The following GPC6 variants were observed in gnomAD, a reference collection of about 807,000 sequenced individuals.
The protein encoded by GPC6 is glypican-6.
Under a neutral mutation model 55.2 loss-of-function variants are expected in GPC6, and 14 were observed. The observed-to-expected ratio is 0.25, with a 90% confidence interval of 0.17 to 0.40. The LOEUF (loss-of-function observed/expected upper bound fraction) is 0.40, where lower values mean the gene tolerates loss of function less well. GPC6 is among the 10% of genes least tolerant of loss of function. GPC6 has a pLI of 1.00. For missense variants in GPC6, 641 were observed against 708.5 expected (o/e 0.90, Z 1.08); for synonymous variants, 278 against 259.6 (o/e 1.07, Z -0.68).
rs5805837 is a variant in GPC6 at position 93,965,106 on chromosome 13, G to GT, written c.712-62597dup. Among the ~76,000 whole-genome samples, 52 of 67,340 alleles carry GT rather than the reference G, an allele frequency of 7.7e-4. 3 individuals carry two copies. Among genetic ancestry groups the GT allele is most frequent in the African/African-American group, 1.2e-3 (20 of 16,372 alleles). 44.2% of individuals were successfully genotyped at this position (67,340 alleles called of 152,430 possible). A position where few individuals can be genotyped will look rare whatever the true frequency, so the allele number is the denominator to read the frequency against. ...AGTATTTGGGAAACACTATGAGTTTGTTTTTTTTTTTTTTTTTTTTTTTTT... is the reference window on the plus strand; with the variant it reads ...AGTATTTGGGAAACACTATGAGTTTGTTTTTTTTTTTTTTTTTTTTTTTTTT... On this transcript the variant is annotated intron_variant, in intron 3 of 8. Transcript: ENST00000377047.
chr13:94,220,908 T>C (rs1045607701), intron 4 of GPC6, among the ~76,000 whole-genome samples: 1 of 152,000 alleles, frequency 6.6e-6, no homozygotes, highest in Non-Finnish European at 1.5e-5. Flanking sequence ...TCTAGGAAAC[T>C]AGGAGTTAGG....
intron 2 of GPC6, among the ~76,000 whole-genome samples, chr13:93,829,576 C>T (rs564017895): frequency 2.0e-5 from 3 of 152,270 alleles, no homozygotes; most frequent in South Asian, 4.1e-4. Flanking sequence ...CTAAATTATG[C>T]TCATTATAGC....
At chr13:93,324,065 G>T (rs570612211) in intron 1 of GPC6, among the ~76,000 whole-genome samples, 11 of 152,196 alleles carry the variant, frequency 7.2e-5, no homozygotes, top group Middle Eastern at 6.8e-3. Flanking sequence ...CAGATGAATG[G>T]ATAAAGAAAA....
chr13:93,905,334 AG>A (rs1330299301), intron 3 of GPC6, among the ~76,000 whole-genome samples: 2 of 152,116 alleles, frequency 1.3e-5, no homozygotes, highest in African/African-American at 4.8e-5. Context: ...GGAAGGTTTC[AG>A]TGCTACACAA....
intron 4 of GPC6, among the ~76,000 whole-genome samples, chr13:94,122,005 G>A (rs535964073): frequency 1.8e-4 from 27 of 152,100 alleles, no homozygotes; most frequent in Non-Finnish European, 3.2e-4. Context: ...TGGTGCTACC[G>A]TTAAACAATT....
intron 3 of GPC6, among the ~76,000 whole-genome samples, chr13:93,869,339 CAACT>C (rs1169591144): frequency 6.6e-6 from 1 of 151,802 alleles, no homozygotes; most frequent in Non-Finnish European, 1.5e-5. Flanking sequence ...GTTTGCAGTT[CAACT>C]AACCTGTCCA....
chr13:93,368,890 G>T (rs549818737), intron 1 of GPC6, among the ~76,000 whole-genome samples: 16 of 152,190 alleles, frequency 1.1e-4, no homozygotes, highest in Admixed American at 4.6e-4. Context: ...CTGTTTCCCA[G>T]TTCCCCAGTG....
At chr13:93,706,303 T>C (rs1345157337) in intron 2 of GPC6, among the ~76,000 whole-genome samples, 1 of 151,902 alleles carries the variant, frequency 6.6e-6, no homozygotes, top group African/African-American at 2.4e-5. Context: ...TTCACCTATT[T>C]AAAAAACTTA....
intron 3 of GPC6, among the ~76,000 whole-genome samples, chr13:93,935,115 G>T (rs930652089): frequency 2.0e-5 from 3 of 151,950 alleles, no homozygotes; most frequent in Non-Finnish European, 4.4e-5. Context: ...GTTGTTGCTG[G>T]TTTTTTTAAT....
At chr13:93,485,604 G>T (rs1309412390) in intron 1 of GPC6, among the ~76,000 whole-genome samples, 1 of 152,146 alleles carries the variant, frequency 6.6e-6, no homozygotes, top group East Asian at 1.9e-4. Flanking sequence ...CCTTGGACAT[G>T]TTCCAAATTT....
At chr13:93,397,451 T>C (rs781526816) in intron 1 of GPC6, among the ~76,000 whole-genome samples, 4 of 152,250 alleles carry the variant, frequency 2.6e-5, no homozygotes, top group Non-Finnish European at 4.4e-5. Flanking sequence ...TGGATATCTT[T>C]CTTGAAGAAA....
chr13:93,880,305 G>A (rs1874880280), intron 3 of GPC6, among the ~76,000 whole-genome samples: 2 of 151,914 alleles, frequency 1.3e-5, no homozygotes, highest in African/African-American at 2.4e-5. Flanking sequence ...GCAAAGACTT[G>A]GAACCAACTC....
chr13:93,575,454 C>A (rs1050364619), intron 2 of GPC6, among the ~76,000 whole-genome samples: 2 of 152,118 alleles, frequency 1.3e-5, no homozygotes, highest in African/African-American at 4.8e-5. Flanking sequence ...ACACTGTGGA[C>A]CCTCAGTCCC....
chr13:94,018,822 G>A (rs906763245), intron 3 of GPC6, among the ~76,000 whole-genome samples: 1 of 152,118 alleles, frequency 6.6e-6, no homozygotes, highest in African/African-American at 2.4e-5. Context: ...GATTCTTATA[G>A]GAGTGTGGAC....
intron 1 of GPC6, among the ~76,000 whole-genome samples, chr13:93,481,360 C>T (rs941143969): frequency 2.0e-5 from 3 of 151,854 alleles, no homozygotes; most frequent in Admixed American, 6.6e-5. Context: ...ATATAATTTG[C>T]AAATATGTTC....
At chr13:94,294,115 A>T (rs1875189771) in intron 5 of GPC6, among the ~76,000 whole-genome samples, 1 of 152,160 alleles carries the variant, frequency 6.6e-6, no homozygotes, top group Non-Finnish European at 1.5e-5. Context: ...AAGGGAAGGG[A>T]GAAAAAACCT....
intron 1 of GPC6, among the ~76,000 whole-genome samples, chr13:93,439,699 TA>T (rs1877713016): frequency 2.9e-5 from 4 of 136,422 alleles, no homozygotes; most frequent in African/African-American, 6.2e-5. Context: ...ATAAAAAAAA[TA>T]AAATAAAATA....
intron 1 of GPC6, among the ~76,000 whole-genome samples, chr13:93,392,957 T>C (rs1199095787): frequency 3.3e-5 from 5 of 152,030 alleles, no homozygotes; most frequent in Admixed American, 6.5e-5. Context: ...ATCAAAATTG[T>C]CTTGGGCTGT....
At chr13:93,929,822 G>A (rs1878061692) in intron 3 of GPC6, among the ~76,000 whole-genome samples, 2 of 148,964 alleles carry the variant, frequency 1.3e-5, no homozygotes, top group South Asian at 2.2e-4. Context: ...GAAGGAAAGA[G>A]GAACAGAGAG....
Sources: allele counts gnomAD v4.1 joint callset (sites outside exome capture counted in the v4.1 genomes callset), GRCh38; gene constraint gnomAD v4.1.1; transcripts MANE v1.5; gene names NCBI Gene and HGNC (gene_info 2026-07-23, HGNC 2026-07-21).